The following TWIST2 variants were observed in gnomAD, a reference collection of about 807,000 sequenced individuals.
The protein encoded by TWIST2 is twist-related protein 2.
Under a neutral mutation model 11.6 loss-of-function variants are expected in TWIST2, and 1 was observed. The observed-to-expected ratio is 0.09, with a 90% CI of 0.03 to 0.41. The LOEUF (loss-of-function observed/expected upper bound fraction) is 0.41, where lower values mean the gene tolerates loss of function less well. Ranked by LOEUF, TWIST2 falls within the 10% of genes least tolerant of loss-of-function variation. The pLI is 0.98. For missense variants in TWIST2, 168 were observed against 226.4 expected, an observed-to-expected ratio of 0.74 and a Z score of 1.66; for synonymous variants, 87 against 96.6, an observed-to-expected ratio of 0.90 and a Z score of 0.58.
intron 1 of TWIST2, among the ~76,000 whole-genome samples, chr2:238,887,674 C>T (rs1202382402): frequency 6.6e-6 from 1 of 152,168 alleles, no homozygotes; most frequent in Non-Finnish European, 1.5e-5. Flanking sequence ...GTGCAGCTTC[C>T]AGGCTAAAGT....
At chr2:238,876,112 G>T (rs1458866914) in intron 1 of TWIST2, among the ~76,000 whole-genome samples, 1 of 152,176 alleles carries the variant, frequency 6.6e-6, no homozygotes, top group Non-Finnish European at 1.5e-5. Context: ...CCAGTGCACC[G>T]GTCACTGCCC....
chr2:238,895,583 G>A (rs1025112292), intron 1 of TWIST2, among the ~76,000 whole-genome samples: 2 of 152,222 alleles, frequency 1.3e-5, no homozygotes, highest in Non-Finnish European at 2.9e-5. Context: ...CTGGCTGCTC[G>A]TGGCTGGCCA....
intron 1 of TWIST2, among the ~76,000 whole-genome samples, chr2:238,876,717 G>T (rs1440861516): frequency 6.6e-6 from 1 of 152,150 alleles, no homozygotes; most frequent in Non-Finnish European, 1.5e-5. Flanking sequence ...GAATATCAGG[G>T]CATTCAGATG....
At chr2:238,889,187 G>A (rs1693089405) in intron 1 of TWIST2, among the ~76,000 whole-genome samples, 3 of 152,218 alleles carry the variant, frequency 2.0e-5, no homozygotes, top group South Asian at 4.1e-4. Flanking sequence ...TCAGTTCCCC[G>A]AATTACACTG....
intron 1 of TWIST2, among the ~76,000 whole-genome samples, chr2:238,905,936 TGTGTGTGCGCGCGC>T (rs1693343172): frequency 1.8e-5 from 2 of 112,300 alleles, no homozygotes; most frequent in South Asian, 2.4e-4. Context: ...CGTGTGCGCG[TGTGTGTGCGCGCGC>T]GTGTGTACGT....
Position 238,864,541 on chromosome 2 carries a change from G to C in TWIST2, c.*35+15808G>C, listed in dbSNP as rs995750692. Among the ~76,000 whole-genome samples, 1 of 152,006 alleles carries C rather than the reference G, an allele frequency of 6.6e-6. No individual in the cohort carries two copies. Among genetic ancestry groups the C allele is most frequent in the African/African-American group, 2.4e-5 (1 of 41,414 alleles). On this transcript the variant is annotated intron_variant, in intron 1 of 1. Coordinates refer to ENST00000612363, the MANE Select transcript of TWIST2 (RefSeq NM_001271893.4). The surrounding 1 kb of genome is among the most constrained non-coding windows in gnomAD (Gnocchi z 4.7). ...CCAGTTCCAAGGCGCGCCCCACCCG[G>C]CCCCCAGGCCAGGTCAGCCTGGGGA...
At chr2:238,905,958 C>T (rs1422476655) in intron 1 of TWIST2, among the ~76,000 whole-genome samples, 2 of 107,726 alleles carry the variant, frequency 1.9e-5, no homozygotes, top group South Asian at 2.6e-4. Context: ...CGCGTGTGTA[C>T]GTGTGCGTGT....
chr2:238,852,998 A>G (rs1559266296), intron 1 of TWIST2, among the ~76,000 whole-genome samples: 2 of 152,232 alleles, frequency 1.3e-5, no homozygotes, highest in Admixed American at 6.5e-5. Context: ...AAAACTCCAC[A>G]TATTTTTTCT....
intron 1 of TWIST2, among the ~76,000 whole-genome samples, chr2:238,870,608 T>G (rs1009895284): frequency 2.0e-4 from 4 of 19,600 alleles, no homozygotes; most frequent in Admixed American, 1.3e-3. Context: ...CACACACACA[T>G]CACATACCAC....
At chr2:238,874,036 A>G (rs1272109422) in intron 1 of TWIST2, among the ~76,000 whole-genome samples, 1 of 152,114 alleles carries the variant, frequency 6.6e-6, no homozygotes, top group Admixed American at 6.6e-5. Flanking sequence ...GCGTTAGAGG[A>G]GTTAGCAGCC....
intron 1 of TWIST2, among the ~76,000 whole-genome samples, chr2:238,907,112 G>T: frequency 6.6e-6 from 1 of 152,190 alleles, no homozygotes; most frequent in East Asian, 1.9e-4. Context: ...ACAGCCTGGG[G>T]GCTGCTGCAG....
At chr2:238,887,352 T>G (rs541817537) in intron 1 of TWIST2, 1 of 152,202 alleles carries the variant, frequency 6.6e-6, no homozygotes, top group African/African-American at 2.4e-5. Context: ...TCTCGCTCTC[T>G]CTGTCTCTTT....
intron 1 of TWIST2, among the ~76,000 whole-genome samples, chr2:238,851,389 G>C (rs2106347413): frequency 6.6e-6 from 1 of 152,270 alleles, no homozygotes; most frequent in East Asian, 1.9e-4. Flanking sequence ...GATTTTTTTA[G>C]TATTCTCATT....
At chr2:238,878,138 G>T (rs1300100789) in intron 1 of TWIST2, among the ~76,000 whole-genome samples, 1 of 152,190 alleles carries the variant, frequency 6.6e-6, no homozygotes, top group Non-Finnish European at 1.5e-5. Flanking sequence ...TGTCGTTAAA[G>T]GCTGATGTTC....
intron 1 of TWIST2, among the ~76,000 whole-genome samples, chr2:238,907,430 C>A (rs1428693145): frequency 1.3e-5 from 2 of 152,180 alleles, no homozygotes; most frequent in Admixed American, 1.3e-4. Flanking sequence ...GTCTCCTCCC[C>A]CTGCAGGTGG....
chr2:238,860,675 C>A (rs925123171), intron 1 of TWIST2, among the ~76,000 whole-genome samples: 2 of 152,204 alleles, frequency 1.3e-5, no homozygotes, highest in East Asian at 3.8e-4. Context: ...CAGTGGCTCA[C>A]GCCTGTAATC....
intron 1 of TWIST2, among the ~76,000 whole-genome samples, chr2:238,870,848 C>T (rs1186820466): frequency 3.4e-5 from 2 of 58,836 alleles, no homozygotes; most frequent in African/African-American, 1.7e-4. Flanking sequence ...CCACACGCCA[C>T]ACACACACCT....
At chr2:238,857,561 T>C (rs1290694592) in intron 1 of TWIST2, among the ~76,000 whole-genome samples, 1 of 151,982 alleles carries the variant, frequency 6.6e-6, no homozygotes, top group Non-Finnish European at 1.5e-5. Context: ...CTGTCTTTGC[T>C]GAAAGAAGCC....
At chr2:238,851,462 C>G (rs1249463348) in intron 1 of TWIST2, among the ~76,000 whole-genome samples, 5 of 152,246 alleles carry the variant, frequency 3.3e-5, no homozygotes, top group Admixed American at 6.5e-5. Context: ...GGAAGGTGAC[C>G]ATTACTTATC....
Sources: gnomAD v4.1 joint callset for allele counts (sites outside exome capture counted in the v4.1 genomes callset) on GRCh38, gnomAD v4.1.1 for gene constraint, Gnocchi (gnomAD v3.1) non-coding constraint, MANE v1.5 for transcripts, NCBI Gene and HGNC (gene_info 2026-07-23, HGNC 2026-07-21) for gene names.